Variants in NXPE4 observed in about 807,000 individuals in gnomAD.
NXPE4 encodes neurexophilin and PC-esterase domain family member 4, also known as NXPE family member 4.
In NXPE4, 42 loss-of-function variants were observed where a neutral mutation model predicts 33.3. The ratio of observed to expected loss-of-function variants is 1.26; its 90% CI spans 0.98 to 1.63. The LOEUF (loss-of-function observed/expected upper bound fraction) is 1.63, where lower values mean the gene tolerates loss of function less well. Ranked by LOEUF, NXPE4 falls within the 40% of genes most tolerant of loss-of-function variation. The probability of loss-of-function intolerance (pLI) is 0.00; values close to 1 mark genes in which losing one functional copy is unlikely to be tolerated. For synonymous variants in NXPE4, 253 were observed against 234.9 expected, an observed-to-expected ratio of 1.08 and a Z score of -0.71; for missense variants, 709 against 647.6, an observed-to-expected ratio of 1.09 and a Z score of -1.03.
chr11:114,576,355 CTTAA>C (rs61275686), intron 5 of NXPE4, among the ~76,000 whole-genome samples: 55,774 of 151,530 alleles, frequency 0.37, 10,445 homozygotes, highest in East Asian at 0.66. Context: ...ATGGATGGGA[CTTAA>C]TTAAACTAAA....
the NXPE4 span, among the ~76,000 whole-genome samples, chr11:114,639,883 T>TATAATAA: frequency 1.0e-5 from 1 of 97,802 alleles, no homozygotes; most frequent in Non-Finnish European, 1.8e-5. Flanking sequence ...AAATATAAAA[T>TATAATAA]ATGTTATATA....
At chr11:114,646,814 T>C in the NXPE4 span, among the ~76,000 whole-genome samples, 34 of 152,150 alleles carry the variant, frequency 2.2e-4, no homozygotes, top group Non-Finnish European at 4.9e-4. Context: ...CTTAAGACTA[T>C]GGTTACAAAG....
At chr11:114,638,793 G>A in the NXPE4 span, among the ~76,000 whole-genome samples, 8 of 151,990 alleles carry the variant, frequency 5.3e-5, no homozygotes, top group Non-Finnish European at 8.8e-5. Flanking sequence ...TTCGTGAACC[G>A]TGAATGCTGC....
the NXPE4 span, among the ~76,000 whole-genome samples, chr11:114,606,042 GTC>G: frequency 3.4e-5 from 5 of 145,866 alleles, no homozygotes; most frequent in African/African-American, 1.3e-4. Context: ...GGATAATAAG[GTC>G]TGCCTCGTGG....
chr11:114,606,134 C>G, the NXPE4 span, among the ~76,000 whole-genome samples: 1 of 151,796 alleles, frequency 6.6e-6, no homozygotes, highest in East Asian at 1.9e-4. Context: ...AGTATTGTCT[C>G]TAGGGTAACC....
the NXPE4 span, among the ~76,000 whole-genome samples, chr11:114,650,886 C>G: frequency 6.6e-6 from 1 of 152,076 alleles, no homozygotes; most frequent in South Asian, 2.1e-4. Flanking sequence ...GTAAAAACGG[C>G]AAGCTGCAGC....
chr11:114,626,728 G>T, the NXPE4 span, among the ~76,000 whole-genome samples: 3 of 152,120 alleles, frequency 2.0e-5, no homozygotes, highest in Admixed American at 2.0e-4. Flanking sequence ...TCCGAGCTAT[G>T]GGAGGACATT....
At chr11:114,615,248 A>C in the NXPE4 span, among the ~76,000 whole-genome samples, 2 of 151,772 alleles carry the variant, frequency 1.3e-5, no homozygotes, top group African/African-American at 4.8e-5. Flanking sequence ...ACTGTTACCC[A>C]GTGGATTATA....
the NXPE4 span, among the ~76,000 whole-genome samples, chr11:114,625,812 G>T: frequency 1.1e-3 from 164 of 152,220 alleles, no homozygotes; most frequent in Non-Finnish European, 2.0e-3. Flanking sequence ...AGGTCAGTGG[G>T]TGAGCACACC....
chr11:114,647,118 T>A, the NXPE4 span, among the ~76,000 whole-genome samples: 1 of 152,174 alleles, frequency 6.6e-6, no homozygotes, highest in South Asian at 2.1e-4. Flanking sequence ...CCCTCATAAG[T>A]TGAAATGGTA....
chr11:114,609,581 C>A, the NXPE4 span, among the ~76,000 whole-genome samples: 1 of 151,296 alleles, frequency 6.6e-6, no homozygotes, highest in Non-Finnish European at 1.5e-5. Flanking sequence ...ACCACTGTTA[C>A]CATGTGGATA....
chr11:114,655,022 G>A, the NXPE4 span, among the ~76,000 whole-genome samples: 1 of 152,272 alleles, frequency 6.6e-6, no homozygotes, highest in South Asian at 2.1e-4. Context: ...TCTGACTGGT[G>A]TGAGATAGTA....
chr11:114,571,305 G>A lies in NXPE4; in HGVS notation c.1268C>T (p.Thr423Ile). Residue 423 changes from threonine (T) to isoleucine (I), a missense_variant, in exon 6 of 6, where the codon ACT (threonine) becomes ATT (isoleucine). Coordinates refer to ENST00000375478, the MANE Select transcript of NXPE4 (RefSeq NM_001077639.2). ...AATGACAGTATTTTTTTCTCCTCCA[G>A]TTCTGTCAATGGCCCGGGTGAGGTA... The part of the protein sequence containing the change: ...MEYLTRAIDR[T>I]GGEKNTVIVI... The A allele has an allele frequency of 6.2e-7, 1 of 1,614,030 alleles. No homozygotes were observed. Among genetic ancestry groups the A allele is most frequent in the Non-Finnish European group, 8.5e-7 (1 of 1,179,938 alleles).
chr11:114,585,457 A>G (rs1279652343), intron 2 of NXPE4, among the ~76,000 whole-genome samples: 1 of 152,116 alleles, frequency 6.6e-6, no homozygotes, highest in Non-Finnish European at 1.5e-5. Context: ...GCAAATGGAA[A>G]CCAAAAGAGA....
the NXPE4 span, among the ~76,000 whole-genome samples, chr11:114,611,405 T>C: frequency 6.6e-6 from 1 of 151,746 alleles, no homozygotes; most frequent in African/African-American, 2.4e-5. Context: ...TGTTTCCCAG[T>C]GGATAATAAG....
the NXPE4 span, among the ~76,000 whole-genome samples, chr11:114,611,243 A>C: frequency 2.4e-3 from 361 of 151,824 alleles, 1 homozygote; most frequent in Non-Finnish European, 3.8e-3. Context: ...CCAGTCAATA[A>C]TAGGTATTGC....
the NXPE4 span, among the ~76,000 whole-genome samples, chr11:114,652,774 G>A: frequency 2.0e-5 from 3 of 152,172 alleles, no homozygotes; most frequent in Admixed American, 1.3e-4. Context: ...AGACTCTGGG[G>A]TTGGCAGAAT....
At chr11:114,630,280 A>C in the NXPE4 span, among the ~76,000 whole-genome samples, 2 of 151,842 alleles carry the variant, frequency 1.3e-5, no homozygotes, top group Admixed American at 6.6e-5. Flanking sequence ...CTATACTAAA[A>C]GGCTACAGTA....
upstream of NXPE4, among the ~76,000 whole-genome samples, chr11:114,597,186 G>A (rs1399412372): frequency 6.6e-6 from 1 of 151,952 alleles, no homozygotes; most frequent in Non-Finnish European, 1.5e-5. Context: ...TTAAAAAGTG[G>A]TATACATAAT....
Sources: gnomAD v4.1 joint callset for allele counts (sites outside exome capture counted in the v4.1 genomes callset) on GRCh38, gnomAD v4.1.1 for gene constraint, MANE v1.5 for transcripts, NCBI Gene and HGNC (gene_info 2026-07-23, HGNC 2026-07-21) for gene names.